Variants in CIT observed in about 807,000 individuals in gnomAD.
The protein encoded by CIT is citron rho-interacting serine/threonine kinase.
In CIT, 79 loss-of-function variants were observed where a neutral mutation model predicts 272.7. The ratio of observed to expected loss-of-function variants is 0.29; its 90% confidence interval spans 0.24 to 0.35. The LOEUF is 0.35. Among genes scored for constraint, CIT ranks in the 10% least tolerant of loss-of-function variants. The pLI, the probability that CIT is intolerant of heterozygous loss-of-function variation, is 1.00. For missense variants in CIT, 1,909 were observed against 2,618.3 expected (o/e 0.73, Z 5.91); for synonymous variants, 948 against 995.6 (o/e 0.95, Z 0.90).
At chr12:119,706,395 G>A (rs1338577277) in intron 40 of CIT, among the ~76,000 whole-genome samples, 7 of 152,062 alleles carry the variant, frequency 4.6e-5, no homozygotes, top group Non-Finnish European at 1.0e-4. Context: ...TGCGTATTAA[G>A]CCTAGTATCC....
chr12:119,713,805 G>A lies in CIT; in HGVS notation c.4307-157C>T, dbSNP rs1274647312. 6 of 742,082 alleles carry A rather than the reference G, an allele frequency of 8.1e-6. No individual in the cohort carries two copies. Among genetic ancestry groups the A allele is most frequent in the Admixed American group, 2.7e-5 (1 of 36,666 alleles). 46.0% of individuals were successfully genotyped at this position (742,082 alleles called of 1,614,324 possible). ...TCTCCTGAGCTTCCCCTGGTGCCAG[G>A]CCCCTGCAGAAAGGGAAAACAAAAG... On this transcript the variant is annotated intron_variant, in intron 33 of 47. Transcript: ENST00000392521. This position sits in a 1 kb window ranked among gnomAD's most constrained non-coding sequence, Gnocchi z 5.2.
rs1955899307 is a variant in CIT, at chr12:119,690,813, T to A, written c.5883-359A>T. Reference sequence around the variant, plus strand: ...GACCCTCACTGTACAGGCAAGAAAATGGGGACAGACAGGAGTTAGGTGACT... The same window carrying A: ...GACCCTCACTGTACAGGCAAGAAAAAGGGGACAGACAGGAGTTAGGTGACT... On this transcript the variant is annotated intron_variant, in intron 46 of 47. Transcript: ENST00000392521. The surrounding 1 kb of genome is among the most constrained non-coding windows in gnomAD (Gnocchi z 6.0). Among the ~76,000 whole-genome samples the A allele has an allele frequency of 6.6e-6, 1 of 152,076 alleles. No homozygotes were observed. Among genetic ancestry groups the A allele is most frequent in the African/African-American group, 2.4e-5 (1 of 41,408 alleles).
intron 26 of CIT, among the ~76,000 whole-genome samples, chr12:119,731,996 C>T (rs1204050565): frequency 4.6e-5 from 7 of 151,734 alleles, no homozygotes; most frequent in Admixed American, 1.3e-4. Context: ...CCACCAAACC[C>T]GGCTAATTTT....
intron 4 of CIT, 41 bp downstream of exon 4, chr12:119,857,482 G>A (rs762542721): frequency 1.7e-5 from 27 of 1,603,440 alleles, no homozygotes; most frequent in Admixed American, 5.0e-5. Context: ...TGAACACTCC[G>A]GTACAGAAAG....
In CIT at chr12:119,862,833, A is replaced by G. The variant is rs191928780; in HGVS notation, c.239-5135T>C. On this transcript the variant is annotated intron_variant, in intron 3 of 47. Transcript: ENST00000392521. ...TAAAAAAAAAAAAAAAAAAAAAAAA[A>G]AAAAAAAGAAAAAACCAAAAAAAAA... Among the ~76,000 whole-genome samples, 557 of 136,092 alleles carry G rather than the reference A, an allele frequency of 4.1e-3. 3 individuals carry two copies. The highest frequency in any genetic ancestry group is 6.7e-3 in the Non-Finnish European group (436 of 65,476). 89.3% of individuals were successfully genotyped at this position (136,092 alleles called of 152,430 possible).
intron 37 of CIT, among the ~76,000 whole-genome samples, chr12:119,711,575 A>G (rs1042105142): frequency 1.3e-5 from 2 of 152,216 alleles, no homozygotes; most frequent in East Asian, 3.9e-4. Context: ...GGATTTCCTT[A>G]TAAGTACATT....
At chr12:119,836,765 C>T (rs895443475) in intron 5 of CIT, among the ~76,000 whole-genome samples, 4 of 152,108 alleles carry the variant, frequency 2.6e-5, no homozygotes, top group African/African-American at 7.2e-5. Context: ...GAGCAGCCAC[C>T]GGCAACTCTT....
In CIT at chr12:119,718,691, G is replaced by A; in HGVS notation, c.4003+8C>T. 6.2e-7 allele frequency: 1 copy of A among 1,612,664 alleles called. No homozygotes were observed. The highest frequency in any genetic ancestry group is 8.5e-7 in the Non-Finnish European group (1 of 1,179,994). ...TCCTTGAGCATTTTGGAGAGAGTGA[G>A]CCCCTACCTTCCTCCCGGGCGGACC... On this transcript the variant is annotated splice_region_variant and intron_variant, in intron 31 of 47. Transcript: ENST00000392521. This position sits in a 1 kb window ranked among gnomAD's most constrained non-coding sequence, Gnocchi z 4.8.
intron 19 of CIT, among the ~76,000 whole-genome samples, chr12:119,761,594 A>T (rs1020567272): frequency 6.6e-6 from 1 of 152,168 alleles, no homozygotes; most frequent in Non-Finnish European, 1.5e-5. Context: ...CTCAGAAACA[A>T]CCAGGGACAA....
intron 28 of CIT, among the ~76,000 whole-genome samples, chr12:119,726,650 G>C (rs1958130061): frequency 6.6e-6 from 1 of 152,104 alleles, no homozygotes; most frequent in African/African-American, 2.4e-5. Flanking sequence ...CCAGAACAGG[G>C]CATTCTGGTT....
intron 5 of CIT, among the ~76,000 whole-genome samples, chr12:119,835,070 C>A (rs1968903882): frequency 6.6e-6 from 1 of 152,146 alleles, no homozygotes; most frequent in South Asian, 2.1e-4. Flanking sequence ...GGAAAAAAAT[C>A]TTGAAGAAGA....
intron 10 of CIT, among the ~76,000 whole-genome samples, chr12:119,796,609 T>A (rs1593781552): frequency 6.6e-6 from 1 of 152,042 alleles, no homozygotes; most frequent in African/African-American, 2.4e-5. Flanking sequence ...GATGGGATGG[T>A]GAGAAACTGG....
intron 23 of CIT, among the ~76,000 whole-genome samples, chr12:119,748,245 T>G (rs990654284): frequency 6.6e-6 from 1 of 151,646 alleles, no homozygotes; most frequent in African/African-American, 2.4e-5. Flanking sequence ...AACCTAGGAG[T>G]TGGGTGGCAA....
Position 119,712,499 on chromosome 12 carries a change from G to C in CIT, c.4684+92C>G. 1.4e-6 allele frequency: 2 copies of C among 1,406,828 alleles called. No individual in the cohort carries two copies. Among genetic ancestry groups the C allele is most frequent in the South Asian group, 2.5e-5 (2 of 81,000 alleles). The allele number at this position is 1,406,828 out of a possible 1,614,324, so 87.1% of individuals were successfully genotyped here. A position where few individuals can be genotyped will look rare whatever the true frequency, so the allele number is the denominator to read the frequency against. On this transcript the variant is annotated intron_variant, in intron 36 of 47. Transcript: ENST00000392521. The surrounding 1 kb of genome is among the most constrained non-coding windows in gnomAD (Gnocchi z 5.2). ...CGGAGGAAGATGGGCCTCCTTTGCA[G>C]AGCCAATCTTCCCTGTACCACCCCT...
At chr12:119,700,380 G>A (rs1283582670) in intron 44 of CIT, among the ~76,000 whole-genome samples, 3 of 151,974 alleles carry the variant, frequency 2.0e-5, no homozygotes, top group Admixed American at 1.3e-4. Flanking sequence ...TTGCAATTGC[G>A]GTTTTTTTTG....
intron 13 of CIT, among the ~76,000 whole-genome samples, chr12:119,778,626 C>T (rs957153963): frequency 2.0e-5 from 3 of 151,948 alleles, no homozygotes; most frequent in Non-Finnish European, 4.4e-5. Context: ...CCTTTTATCC[C>T]ATTGTAGCAG....
chr12:119,851,141 A>T (rs1970199345), intron 4 of CIT, among the ~76,000 whole-genome samples: 1 of 151,884 alleles, frequency 6.6e-6, no homozygotes, highest in African/African-American at 2.4e-5. Context: ...CTGGTGTTGA[A>T]CTCCTGGCTT....
chr12:119,836,397 T>C (rs1969021020), intron 5 of CIT, among the ~76,000 whole-genome samples: 1 of 151,114 alleles, frequency 6.6e-6, no homozygotes, highest in African/African-American at 2.4e-5. Flanking sequence ...AGACATTAGT[T>C]ACTCACCCCA....
At chr12:119,810,500 G>C (rs369338529) in intron 9 of CIT, among the ~76,000 whole-genome samples, 1 of 152,072 alleles carries the variant, frequency 6.6e-6, no homozygotes, top group East Asian at 1.9e-4. Context: ...AGGAGTTTGA[G>C]ACCAACCTGG....
Sources: allele counts gnomAD v4.1 joint callset (sites outside exome capture counted in the v4.1 genomes callset), GRCh38; gene constraint gnomAD v4.1.1; non-coding constraint Gnocchi (gnomAD v3.1); transcripts MANE v1.5; gene names NCBI Gene and HGNC (gene_info 2026-07-23, HGNC 2026-07-21).